Variants in NRXN3 observed in about 807,000 individuals in gnomAD.
NRXN3 encodes the protein neurexin 3, also known as neurexin III.
In NRXN3, 32 loss-of-function variants were observed where a neutral mutation model predicts 137.6. The observed-to-expected ratio is 0.23, with a 90% CI of 0.18 to 0.31. The LOEUF is 0.31. Among genes scored for constraint, NRXN3 ranks in the 10% least tolerant of loss-of-function variants. The pLI, the probability that NRXN3 is intolerant of heterozygous loss-of-function variation, is 1.00. For synonymous variants in NRXN3, 798 were observed against 784.5 expected (o/e 1.02, Z -0.29); for missense variants, 1,574 against 2,062.5 (o/e 0.76, Z 4.59).
At chr14:78,174,786 C>T (rs958989411) in intron 1 of NRXN3, among the ~76,000 whole-genome samples, 1 of 152,098 alleles carries the variant, frequency 6.6e-6, no homozygotes, top group Non-Finnish European at 1.5e-5. Flanking sequence ...ACTGCTCCTG[C>T]CTCCAGCAGG....
In NRXN3 at chr14:79,195,013, C is replaced by T. The variant is rs144641485; in HGVS notation, c.3262+206872C>T. ...TGTTTTCCACATTCCTTGTCACTGTCAAAACTGGTAATTAATCAAGAGTTA... is the reference window on the plus strand; with the variant it reads ...TGTTTTCCACATTCCTTGTCACTGTTAAAACTGGTAATTAATCAAGAGTTA... On this transcript the variant is annotated intron_variant, in intron 15 of 20. Coordinates refer to ENST00000335750, the MANE Select transcript of NRXN3 (RefSeq NM_001330195.2). Among the ~76,000 whole-genome samples the T allele has an allele frequency of 2.4e-3, 364 of 151,938 alleles. 2 individuals carry two copies. The highest frequency in any genetic ancestry group is 8.2e-3 in the African/African-American group (339 of 41,420).
In NRXN3 at chr14:79,055,650, C is replaced by T. The variant is rs1257966022; in HGVS notation, c.3262+67509C>T. 6.6e-5 allele frequency among the ~76,000 whole-genome samples: 10 copies of T among 152,082 alleles called. No individual in the cohort carries two copies. The East Asian group carries it at 1.4e-3, about 21-fold the overall frequency. On this transcript the variant is annotated intron_variant, in intron 15 of 20. Coordinates refer to ENST00000335750, the MANE Select transcript of NRXN3 (RefSeq NM_001330195.2). ...AGAGCAGTATATATATATTAACATT[C>T]TAATCTTAATAGGAAAAACTAAAGG...
intron 4 of NRXN3, among the ~76,000 whole-genome samples, chr14:78,495,343 GTT>G (rs1455754506): frequency 6.6e-6 from 1 of 151,948 alleles, no homozygotes; most frequent in Non-Finnish European, 1.5e-5. Context: ...TAACTAAGTG[GTT>G]TCTCAAATGC....
At chr14:79,597,052 C>G (rs2097865191) in intron 16 of NRXN3, among the ~76,000 whole-genome samples, 1 of 152,174 alleles carries the variant, frequency 6.6e-6, no homozygotes, top group African/African-American at 2.4e-5. Flanking sequence ...TCCTCTTTCT[C>G]TACTACCTTA....
chr14:78,405,660 G>A (rs1402319894), intron 4 of NRXN3, among the ~76,000 whole-genome samples: 1 of 152,048 alleles, frequency 6.6e-6, no homozygotes, highest in Non-Finnish European at 1.5e-5. Context: ...GCAGGGCTGG[G>A]AGCCTGGCGG....
intron 15 of NRXN3, among the ~76,000 whole-genome samples, chr14:79,222,523 C>T (rs2069960453): frequency 6.6e-6 from 1 of 150,850 alleles, no homozygotes; most frequent in Non-Finnish European, 1.5e-5. Context: ...AAGTTTTTAG[C>T]TCCTTTGGGT....
chr14:79,329,512 C>T (rs1456353907), intron 15 of NRXN3, among the ~76,000 whole-genome samples: 1 of 152,130 alleles, frequency 6.6e-6, no homozygotes, highest in Admixed American at 6.5e-5. Context: ...GTCTCTGTCT[C>T]AAGTATTTAG....
At chr14:78,778,810 T>C (rs564458104) in intron 8 of NRXN3, among the ~76,000 whole-genome samples, 81 of 144,196 alleles carry the variant, frequency 5.6e-4, no homozygotes, top group African/African-American at 2.0e-3. Flanking sequence ...CTTTCTTTCT[T>C]TCTTTCTTTC....
chr14:78,587,376 C>G (rs1380921721), intron 4 of NRXN3, among the ~76,000 whole-genome samples: 1 of 152,120 alleles, frequency 6.6e-6, no homozygotes, highest in Non-Finnish European at 1.5e-5. Flanking sequence ...CTCGGTGCAC[C>G]CCCAACCCAT....
chr14:78,414,370 C>T (rs1054686835), intron 4 of NRXN3, among the ~76,000 whole-genome samples: 2 of 152,112 alleles, frequency 1.3e-5, no homozygotes, highest in South Asian at 2.1e-4. Flanking sequence ...GGTTGTTGTG[C>T]ACACTGTCCT....
chr14:78,209,003 C>T (rs557136074), intron 1 of NRXN3, among the ~76,000 whole-genome samples: 1 of 152,334 alleles, frequency 6.6e-6, no homozygotes, highest in East Asian at 1.9e-4. Flanking sequence ...CAACACTCAT[C>T]ATCCCACTTG....
chr14:79,708,668 A>ATGAT (rs1433643768), intron 19 of NRXN3, among the ~76,000 whole-genome samples: 1 of 152,050 alleles, frequency 6.6e-6, no homozygotes, highest in African/African-American at 2.4e-5. Context: ...GCATGTTTGA[A>ATGAT]TGATTGTAAA....
chr14:79,385,975 T>A (rs1485813857), intron 15 of NRXN3, among the ~76,000 whole-genome samples: 2 of 152,168 alleles, frequency 1.3e-5, no homozygotes, highest in Non-Finnish European at 2.9e-5. Flanking sequence ...GAGCTATCTA[T>A]GGCAAACCCA....
intron 15 of NRXN3, among the ~76,000 whole-genome samples, chr14:79,251,580 A>G (rs2075937273): frequency 1.3e-5 from 2 of 152,098 alleles, no homozygotes; most frequent in Admixed American, 6.6e-5. Flanking sequence ...GGATTATTGG[A>G]TGACATCACA....
chr14:78,367,408 T>A (rs1381139579), intron 4 of NRXN3, among the ~76,000 whole-genome samples: 3 of 152,154 alleles, frequency 2.0e-5, no homozygotes, highest in Non-Finnish European at 4.4e-5. Flanking sequence ...TAATCAATCT[T>A]CATCTTTTGA....
At chr14:79,816,957 G>A (rs552098715) in intron 20 of NRXN3, among the ~76,000 whole-genome samples, 36 of 152,324 alleles carry the variant, frequency 2.4e-4, no homozygotes, top group African/African-American at 8.2e-4. Context: ...GGAAAGTGTT[G>A]CAGCTTTTTA....
chr14:78,678,775 A>G (rs2098039393), intron 6 of NRXN3, among the ~76,000 whole-genome samples: 1 of 152,184 alleles, frequency 6.6e-6, no homozygotes, highest in Admixed American at 6.5e-5. Flanking sequence ...GAGAATCCAG[A>G]GGCCTCAAAG....
intron 20 of NRXN3, among the ~76,000 whole-genome samples, chr14:79,818,280 C>T (rs1028522134): frequency 6.6e-6 from 1 of 152,036 alleles, no homozygotes; most frequent in African/African-American, 2.4e-5. Flanking sequence ...GTCATGATCT[C>T]CTGACCTCGT....
chr14:78,261,029 T>C (rs915770239), intron 2 of NRXN3, among the ~76,000 whole-genome samples: 1 of 152,214 alleles, frequency 6.6e-6, no homozygotes, highest in Non-Finnish European at 1.5e-5. Flanking sequence ...GTGGTTGTCC[T>C]GGCTTTACAG....
Sources: allele counts gnomAD v4.1 joint callset (sites outside exome capture counted in the v4.1 genomes callset), GRCh38; gene constraint gnomAD v4.1.1; transcripts MANE v1.5; gene names NCBI Gene and HGNC (gene_info 2026-07-23, HGNC 2026-07-21).